Variants in VWC2L observed in about 807,000 individuals in gnomAD.
VWC2L encodes von Willebrand factor C domain-containing protein 2-like.
In VWC2L, 10 loss-of-function variants were observed where a neutral mutation model predicts 21.6. That is an observed-to-expected ratio of 0.46 (90% confidence interval 0.29 to 0.78). The LOEUF is 0.78. VWC2L is among the 30% of genes least tolerant of loss of function. VWC2L has a pLI of 0.10. For synonymous variants in VWC2L, 96 were observed against 94.3 expected (o/e 1.02, Z -0.10); for missense variants, 209 against 277.1 (o/e 0.75, Z 1.74).
At chr2:214,533,433 T>C (rs1053550509) in intron 3 of VWC2L, among the ~76,000 whole-genome samples, 1 of 151,990 alleles carries the variant, frequency 6.6e-6, no homozygotes, top group Non-Finnish European at 1.5e-5. Context: ...TCTCTACCCC[T>C]GGGCTTTGCC....
intron 3 of VWC2L, among the ~76,000 whole-genome samples, chr2:214,521,130 C>A (rs1689233024): frequency 6.6e-6 from 1 of 151,804 alleles, no homozygotes; most frequent in Non-Finnish European, 1.5e-5. Context: ...GAGGCTGAGG[C>A]AGGAGAATGG....
At chr2:214,416,584 C>CA (rs1381136439) in intron 2 of VWC2L, among the ~76,000 whole-genome samples, 12 of 152,028 alleles carry the variant, frequency 7.9e-5, no homozygotes, top group East Asian at 1.9e-4. Context: ...ATTACTTATC[C>CA]AAAATTGTCA....
intron 3 of VWC2L, among the ~76,000 whole-genome samples, chr2:214,517,636 C>T (rs1574610960): frequency 6.6e-6 from 1 of 152,056 alleles, no homozygotes; most frequent in South Asian, 2.1e-4. Flanking sequence ...AGAAAGATTC[C>T]ATGGGGTAAA....
intron 3 of VWC2L, among the ~76,000 whole-genome samples, chr2:214,489,655 T>A (rs1337383288): frequency 6.6e-6 from 1 of 152,176 alleles, no homozygotes; most frequent in Non-Finnish European, 1.5e-5. Flanking sequence ...GAGCAGATTA[T>A]GAGTGTGTTG....
chr2:214,531,301 A>G (rs1486979991), intron 3 of VWC2L, among the ~76,000 whole-genome samples: 1 of 152,186 alleles, frequency 6.6e-6, no homozygotes, highest in Non-Finnish European at 1.5e-5. Flanking sequence ...TAGTCCAGAC[A>G]AATTTTTCTA....
chr2:214,523,976 T>C (rs1052566454), intron 3 of VWC2L, among the ~76,000 whole-genome samples: 10 of 152,226 alleles, frequency 6.6e-5, no homozygotes, highest in African/African-American at 2.2e-4. Flanking sequence ...TGTAATGTGA[T>C]TGATTTAAGC....
Position 214,577,431 on chromosome 2 carries a change from A to T in VWC2L, c.*1611A>T, listed in dbSNP as rs1470234414. ...TAGCAACATCCCAGCAACTGGTGACAACCAAATTTCTCCAGACATTGCCTA... is the reference window on the plus strand; with the variant it reads ...TAGCAACATCCCAGCAACTGGTGACTACCAAATTTCTCCAGACATTGCCTA... On this transcript the variant is annotated 3_prime_UTR_variant, in exon 4 of 4. Transcript: ENST00000312504. 1 of 152,280 alleles carries T rather than the reference A, an allele frequency of 6.6e-6. No homozygotes were observed. The highest frequency in any genetic ancestry group is 1.9e-4 in the East Asian group (1 of 5,174). The allele number at this position is 152,280 out of a possible 1,614,324, so 9.4% of individuals were successfully genotyped here.
intron 3 of VWC2L, among the ~76,000 whole-genome samples, chr2:214,506,008 C>A (rs1688963044): frequency 6.6e-6 from 1 of 152,056 alleles, no homozygotes. Flanking sequence ...AGTAATCTGG[C>A]TTTATTGCTT....
chr2:214,414,534 A>C lies in VWC2L; in HGVS notation c.341A>C (p.Asn114Thr). 1.2e-6 allele frequency: 2 copies of C among 1,613,128 alleles called. No homozygotes were observed. The highest frequency in any genetic ancestry group is 1.7e-6 in the Non-Finnish European group (2 of 1,179,634). ...GCCPECKEVKNFCEYHGKNYK... is the reference protein window; with the variant it reads ...GCCPECKEVKTFCEYHGKNYK... ...TGTCCTGAGTGCAAAGAAGTAAAAAACTTCTGTGAATATCACGGGAAAAAT... is the reference window on the plus strand; with the variant it reads ...TGTCCTGAGTGCAAAGAAGTAAAAACCTTCTGTGAATATCACGGGAAAAAT... Residue 114 changes from asparagine (N) to threonine (T), a missense_variant, in exon 2 of 4, where the codon AAC becomes ACC. Asn to Thr is a moderately conservative substitution (Grantham distance 65). Transcript: ENST00000312504.
At chr2:214,468,874 T>C (rs982832235) in intron 3 of VWC2L, among the ~76,000 whole-genome samples, 5 of 152,176 alleles carry the variant, frequency 3.3e-5, no homozygotes, top group African/African-American at 1.2e-4. Context: ...CCATTTAAGA[T>C]ATGGAATACA....
intron 3 of VWC2L, among the ~76,000 whole-genome samples, chr2:214,504,721 G>C (rs912615305): frequency 6.6e-6 from 1 of 152,146 alleles, no homozygotes; most frequent in African/African-American, 2.4e-5. Flanking sequence ...GCATAATCCA[G>C]TGCTTCATGA....
At chr2:214,571,673 A>G (rs921358497) in intron 3 of VWC2L, among the ~76,000 whole-genome samples, 3 of 152,240 alleles carry the variant, frequency 2.0e-5, no homozygotes, top group Non-Finnish European at 4.4e-5. Flanking sequence ...CCTGTCTTCA[A>G]GGATCTGACA....
chr2:214,575,274 G>T (rs1690211639), intron 3 of VWC2L, among the ~76,000 whole-genome samples: 1 of 152,166 alleles, frequency 6.6e-6, no homozygotes, highest in South Asian at 2.1e-4. Context: ...ACAGGCCAAG[G>T]GTGCCACCAT....
In VWC2L at chr2:214,463,489, T is replaced by C. The variant is rs144870143; in HGVS notation, c.520+26731T>C. ...AAGTCCTTTTCTTATAGATGACATA[T>C]AGTTGGGTCTTTCTTTTTAATCCAA... On this transcript the variant is annotated intron_variant, in intron 3 of 3. Transcript: ENST00000312504. Among the ~76,000 whole-genome samples, 282 of 152,284 alleles carry C rather than the reference T, an allele frequency of 1.9e-3. 1 individual carries two copies. Among genetic ancestry groups the C allele is most frequent in the African/African-American group, 6.5e-3 (272 of 41,588 alleles).
chr2:214,501,780 C>A (rs930267930), intron 3 of VWC2L, among the ~76,000 whole-genome samples: 8 of 151,096 alleles, frequency 5.3e-5, no homozygotes, highest in Non-Finnish European at 8.8e-5. Context: ...CTTAAAAAGG[C>A]TACTTGCTGC....
rs181485789 is a variant in VWC2L at position 214,538,551 on chromosome 2, C to T, written c.521-37121C>T. 3.1e-3 allele frequency among the ~76,000 whole-genome samples: 466 copies of T among 151,576 alleles called. 6 individuals are homozygous for T. The highest frequency in any genetic ancestry group is 6.9e-3 in the Middle Eastern group (2 of 290). On this transcript the variant is annotated intron_variant, in intron 3 of 3. Coordinates refer to ENST00000312504, the MANE Select transcript of VWC2L (RefSeq NM_001080500.4). ...TATTGGACAACTACTGCAACATAGA[C>T]GCAAATAAGAATGCAAACAGATTCT...
At chr2:214,506,727 CAA>C (rs1273560402) in intron 3 of VWC2L, among the ~76,000 whole-genome samples, 1 of 151,604 alleles carries the variant, frequency 6.6e-6, no homozygotes, top group Non-Finnish European at 1.5e-5. Flanking sequence ...ACATAAATGC[CAA>C]GAGTCAAGTT....
At chr2:214,423,945 A>G (rs1001493605) in intron 2 of VWC2L, among the ~76,000 whole-genome samples, 1 of 151,922 alleles carries the variant, frequency 6.6e-6, no homozygotes, top group Non-Finnish European at 1.5e-5. Flanking sequence ...CTCTCACTAG[A>G]TGGCAGGAAT....
intron 3 of VWC2L, among the ~76,000 whole-genome samples, chr2:214,569,070 C>T (rs1227456509): frequency 6.6e-6 from 1 of 152,152 alleles, no homozygotes; most frequent in African/African-American, 2.4e-5. Flanking sequence ...GTGCTAATTG[C>T]TGACACTAAT....
Sources: gnomAD v4.1 joint callset for allele counts (sites outside exome capture counted in the v4.1 genomes callset) on GRCh38, gnomAD v4.1.1 for gene constraint, MANE v1.5 for transcripts, NCBI Gene and HGNC (gene_info 2026-07-23, HGNC 2026-07-21) for gene names.